Variants in UBASH3B observed in about 807,000 individuals in gnomAD.
UBASH3B encodes ubiquitin-associated and SH3 domain-containing protein B.
In UBASH3B, 37 loss-of-function variants were observed where a neutral mutation model predicts 83.4. The ratio of observed to expected loss-of-function variants is 0.44; its 90% CI spans 0.34 to 0.58. UBASH3B has a LOEUF of 0.58. Ranked by LOEUF, UBASH3B falls within the 20% of genes least tolerant of loss-of-function variation. UBASH3B has a pLI of 0.01. For missense variants in UBASH3B, 657 were observed against 827.2 expected (o/e 0.79, Z 2.52); for synonymous variants, 304 against 318.3 (o/e 0.96, Z 0.48).
chr11:122,680,074 A>G (rs956167154), intron 1 of UBASH3B, among the ~76,000 whole-genome samples: 4 of 152,120 alleles, frequency 2.6e-5, no homozygotes, highest in Admixed American at 1.3e-4. Flanking sequence ...CAAGTGATCC[A>G]TCCGCCTCGG....
intron 1 of UBASH3B, among the ~76,000 whole-genome samples, chr11:122,756,261 G>A (rs1369856904): frequency 6.6e-6 from 1 of 152,206 alleles, no homozygotes; most frequent in Non-Finnish European, 1.5e-5. Flanking sequence ...ACTACATCTC[G>A]ATAATTAGAG....
chr11:122,745,258 C>T lies in UBASH3B; in HGVS notation c.162-30961C>T, dbSNP rs144001377. On this transcript the variant is annotated intron_variant, in intron 1 of 13. Coordinates refer to ENST00000284273, the MANE Select transcript of UBASH3B (RefSeq NM_032873.5). ...CGTAACAAACAGATTAGACTGTCAG[C>T]CTTCCTAGCTGGATGGGCAGGCAGC... Among the ~76,000 whole-genome samples the T allele has an allele frequency of 5.3e-4, 80 of 152,320 alleles. No homozygotes were observed. In the East Asian group the frequency reaches 6.2e-3, roughly 12 times the overall value.
chr11:122,670,914 C>G (rs1021374193), intron 1 of UBASH3B, among the ~76,000 whole-genome samples: 3 of 151,964 alleles, frequency 2.0e-5, no homozygotes, highest in African/African-American at 4.8e-5. Context: ...AGACGTGCTC[C>G]ACCACGCCCG....
chr11:122,762,312 A>G (rs1305166857), intron 1 of UBASH3B, among the ~76,000 whole-genome samples: 4 of 152,158 alleles, frequency 2.6e-5, no homozygotes, highest in African/African-American at 9.7e-5. Context: ...TCAGGTGGGC[A>G]GTGATGTTAC....
chr11:122,786,433 G>C (rs565207328), intron 5 of UBASH3B, among the ~76,000 whole-genome samples: 1 of 152,156 alleles, frequency 6.6e-6, no homozygotes, highest in South Asian at 2.1e-4. Context: ...GAGGCAGGCA[G>C]ATCACCTGAG....
At chr11:122,696,913 C>T (rs964405652) in intron 1 of UBASH3B, among the ~76,000 whole-genome samples, 2 of 152,148 alleles carry the variant, frequency 1.3e-5, no homozygotes, top group African/African-American at 2.4e-5. Flanking sequence ...TCCCGCCCTG[C>T]CCTGTGCTAG....
chr11:122,683,118 G>A (rs926592907), intron 1 of UBASH3B, among the ~76,000 whole-genome samples: 1 of 151,926 alleles, frequency 6.6e-6, no homozygotes, highest in South Asian at 2.1e-4. Context: ...GCATGGTGGT[G>A]CATGCCTGTA....
At chr11:122,663,060 T>G (rs892772890) in intron 1 of UBASH3B, among the ~76,000 whole-genome samples, 1 of 139,384 alleles carries the variant, frequency 7.2e-6, no homozygotes, top group African/African-American at 2.7e-5. Flanking sequence ...CACTGCAACC[T>G]CCGCCTCCCG....
chr11:122,787,641 G>A (rs981626642), intron 5 of UBASH3B, among the ~76,000 whole-genome samples: 8 of 152,150 alleles, frequency 5.3e-5, no homozygotes, highest in African/African-American at 1.2e-4. Context: ...GATCAGGGTC[G>A]GCTGGAAGGA....
At chr11:122,695,200 G>A (rs922467480) in intron 1 of UBASH3B, among the ~76,000 whole-genome samples, 3 of 152,120 alleles carry the variant, frequency 2.0e-5, no homozygotes, top group African/African-American at 7.2e-5. Context: ...CCGACCTCAA[G>A]TGATCCACCC....
chr11:122,708,448 C>G (rs1330353277), intron 1 of UBASH3B, among the ~76,000 whole-genome samples: 1 of 151,980 alleles, frequency 6.6e-6, no homozygotes, highest in African/African-American at 2.4e-5. Context: ...TGTACCACCA[C>G]ACCCAGCTAA....
intron 1 of UBASH3B, among the ~76,000 whole-genome samples, chr11:122,772,014 G>A (rs1029748382): frequency 2.0e-5 from 3 of 152,172 alleles, no homozygotes; most frequent in Non-Finnish European, 4.4e-5. Context: ...ATGCAGCCCA[G>A]TCTGATATTG....
chr11:122,656,278 C>G, intron 1 of UBASH3B, 68 bp downstream of exon 1: 1 of 1,290,892 alleles, frequency 7.7e-7, no homozygotes, highest in Non-Finnish European at 9.9e-7. Context: ...GGCTTCGCTC[C>G]GGCTCGCCTC....
chr11:122,788,616 GA>G (rs970355400), intron 5 of UBASH3B, among the ~76,000 whole-genome samples: 11 of 152,114 alleles, frequency 7.2e-5, no homozygotes, highest in African/African-American at 2.4e-4. Context: ...ATGTTACACA[GA>G]AAGGGGGTAC....
chr11:122,786,820 G>C (rs950006996), intron 5 of UBASH3B, among the ~76,000 whole-genome samples: 26 of 152,224 alleles, frequency 1.7e-4, no homozygotes, highest in African/African-American at 5.8e-4. Flanking sequence ...ATGGGTCCCA[G>C]TTGTAATTTT....
intron 1 of UBASH3B, among the ~76,000 whole-genome samples, chr11:122,744,886 T>TGTGTGTGTGTG (rs1555142492): frequency 2.2e-5 from 3 of 136,356 alleles, no homozygotes; most frequent in African/African-American, 8.0e-5. Flanking sequence ...TGTGTGTGTG[T>TGTGTGTGTGTG]GTGTGTGTGT....
intron 1 of UBASH3B, among the ~76,000 whole-genome samples, chr11:122,742,480 C>T (rs998087571): frequency 6.6e-6 from 1 of 152,162 alleles, no homozygotes; most frequent in African/African-American, 2.4e-5. Flanking sequence ...AAAAGGAGAC[C>T]ATGGTCTGCT....
intron 1 of UBASH3B, among the ~76,000 whole-genome samples, chr11:122,768,255 TACAG>T (rs1203668617): frequency 5.3e-5 from 8 of 152,104 alleles, no homozygotes; most frequent in African/African-American, 1.9e-4. Flanking sequence ...GGTGACTAGA[TACAG>T]ACAGTGTCCT....
chr11:122,703,287 C>A (rs1351262278), intron 1 of UBASH3B, among the ~76,000 whole-genome samples: 1 of 151,942 alleles, frequency 6.6e-6, no homozygotes, highest in East Asian at 1.9e-4. Context: ...ATTAGCCAGG[C>A]GTGGTGGTGG....
Sources: allele counts gnomAD v4.1 joint callset (sites outside exome capture counted in the v4.1 genomes callset), GRCh38; gene constraint gnomAD v4.1.1; transcripts MANE v1.5; gene names NCBI Gene and HGNC (gene_info 2026-07-23, HGNC 2026-07-21).